FSTL4: variants seen among roughly 807,000 people sequenced by gnomAD.
The protein encoded by FSTL4 is follistatin-related protein 4.
In FSTL4, 28 loss-of-function variants were observed where a neutral mutation model predicts 78.2. The ratio of observed to expected loss-of-function variants is 0.36; its 90% CI spans 0.27 to 0.49. The LOEUF (loss-of-function observed/expected upper bound fraction) is 0.49. FSTL4 is among the 20% of genes least tolerant of loss of function. The probability of loss-of-function intolerance (pLI) is 0.98; values close to 1 mark genes in which losing one functional copy is unlikely to be tolerated. For missense variants in FSTL4, 922 were observed against 1,084.9 expected (o/e 0.85, Z 2.11); for synonymous variants, 422 against 440.5 (o/e 0.96, Z 0.53).
intron 8 of FSTL4, among the ~76,000 whole-genome samples, chr5:133,226,592 G>A (rs1751342170): frequency 6.6e-6 from 1 of 152,196 alleles, no homozygotes; most frequent in Non-Finnish European, 1.5e-5. Context: ...CATTTTTAGT[G>A]GAATTGAGGG....
At chr5:133,409,518 C>A (rs913214504) in intron 3 of FSTL4, among the ~76,000 whole-genome samples, 10 of 152,226 alleles carry the variant, frequency 6.6e-5, no homozygotes, top group African/African-American at 2.2e-4. Flanking sequence ...AGGAGGCTGC[C>A]AACCTGCTGG....
chr5:133,344,727 A>G (rs1754660886), intron 4 of FSTL4, among the ~76,000 whole-genome samples: 1 of 152,096 alleles, frequency 6.6e-6, no homozygotes. Context: ...TCTTCATCTT[A>G]TTTTTGTTCA....
the FSTL4 span, among the ~76,000 whole-genome samples, chr5:133,696,278 G>A: frequency 6.6e-6 from 1 of 152,190 alleles, no homozygotes; most frequent in Non-Finnish European, 1.5e-5. Flanking sequence ...GGTATCTTTG[G>A]TCTTCAGCTG....
chr5:133,732,279 C>T, the FSTL4 span, among the ~76,000 whole-genome samples: 1 of 152,184 alleles, frequency 6.6e-6, no homozygotes, highest in African/African-American at 2.4e-5. Flanking sequence ...TACTGATCCT[C>T]ACTGGGCCTG....
rs539332235 is a variant in FSTL4 at position 133,472,989 on chromosome 5, C to A, written c.161-72003G>T. Among the ~76,000 whole-genome samples the A allele has an allele frequency of 2.3e-3, 353 of 152,336 alleles. 1 individual carries two copies. The highest frequency in any genetic ancestry group is 8.2e-3 in the African/African-American group (341 of 41,582). On this transcript the variant is annotated intron_variant, in intron 3 of 15. Transcript: ENST00000265342. ...CACTCACAAGCCATGGCAGGGGGAG[C>A]TCCTGCCCATGACCTTGCTTTCTCA...
At chr5:133,623,321 A>G in the FSTL4 span, among the ~76,000 whole-genome samples, 1 of 152,220 alleles carries the variant, frequency 6.6e-6, no homozygotes, top group South Asian at 2.1e-4. Flanking sequence ...AGACCAATGG[A>G]ATAGAATTGA....
chr5:133,555,389 C>T (rs1251000970), intron 3 of FSTL4, among the ~76,000 whole-genome samples: 2 of 152,170 alleles, frequency 1.3e-5, no homozygotes, highest in African/African-American at 2.4e-5. Flanking sequence ...CTATAATCTC[C>T]AACTCTGCCT....
At chr5:133,644,465 T>C in the FSTL4 span, among the ~76,000 whole-genome samples, 16 of 152,246 alleles carry the variant, frequency 1.1e-4, no homozygotes, top group Admixed American at 9.2e-4. Flanking sequence ...CCCTCTGCTG[T>C]TGGTTCAGCA....
chr5:133,478,756 G>A (rs546805738), intron 3 of FSTL4, among the ~76,000 whole-genome samples: 3 of 152,130 alleles, frequency 2.0e-5, no homozygotes, highest in East Asian at 3.9e-4. Flanking sequence ...TCACACACAC[G>A]AGTGCAGTTT....
intron 8 of FSTL4, among the ~76,000 whole-genome samples, chr5:133,230,723 G>C (rs1751468578): frequency 6.6e-6 from 1 of 152,110 alleles, no homozygotes; most frequent in Non-Finnish European, 1.5e-5. Context: ...GGATCACTAG[G>C]CCTCTTCTCC....
the FSTL4 span, among the ~76,000 whole-genome samples, chr5:133,774,594 C>G: frequency 6.6e-6 from 1 of 152,150 alleles, no homozygotes; most frequent in African/African-American, 2.4e-5. Flanking sequence ...AACATTGAAT[C>G]CCTAAATCCT....
rs572388218 is a variant in FSTL4, at chr5:133,502,013, C to T, written c.160+65173G>A. On this transcript the variant is annotated intron_variant, in intron 3 of 15. Transcript: ENST00000265342. Reference sequence around the variant, plus strand: ...TGATGCTGCCATAAGGCAAGGGACACCTGGGGCTTCCAGAAGCTGGAAGGG... The same window carrying T: ...TGATGCTGCCATAAGGCAAGGGACATCTGGGGCTTCCAGAAGCTGGAAGGG... 2.0e-4 allele frequency among the ~76,000 whole-genome samples: 31 copies of T among 152,206 alleles called. No homozygotes were observed. In the South Asian group the frequency reaches 6.2e-3, roughly 31 times the overall value.
At chr5:133,294,440 C>T (rs1246461743) in intron 6 of FSTL4, among the ~76,000 whole-genome samples, 1 of 152,006 alleles carries the variant, frequency 6.6e-6, no homozygotes, top group Non-Finnish European at 1.5e-5. Flanking sequence ...GAAAGGGAAA[C>T]CCCCGTGCAT....
At chr5:133,264,559 G>T (rs1401335575) in intron 6 of FSTL4, among the ~76,000 whole-genome samples, 1 of 152,240 alleles carries the variant, frequency 6.6e-6, no homozygotes. Flanking sequence ...CTGGGAGGGA[G>T]ACTCAGAAGA....
At chr5:133,266,009 A>G (rs568759384) in intron 6 of FSTL4, among the ~76,000 whole-genome samples, 16 of 152,334 alleles carry the variant, frequency 1.1e-4, no homozygotes, top group Admixed American at 2.0e-4. Context: ...AGTCCTGGTC[A>G]TGTTGTCCGC....
intron 6 of FSTL4, among the ~76,000 whole-genome samples, chr5:133,251,506 A>C (rs2902804): frequency 0.72 from 109,574 of 151,840 alleles, 40,732 homozygotes; most frequent in African/African-American, 0.89. Context: ...AGGAAACCAA[A>C]CACCAGGCCT....
At chr5:133,566,126 T>C (rs1432479929) in intron 3 of FSTL4, among the ~76,000 whole-genome samples, 2 of 152,154 alleles carry the variant, frequency 1.3e-5, no homozygotes, top group Non-Finnish European at 2.9e-5. Flanking sequence ...AGCCAGAAAG[T>C]TCATCTTAGA....
chr5:133,629,868 T>A, the FSTL4 span, among the ~76,000 whole-genome samples: 1 of 152,168 alleles, frequency 6.6e-6, no homozygotes, highest in Admixed American at 6.5e-5. Flanking sequence ...ATGTAATCCA[T>A]CACATGAACA....
intron 2 of FSTL4, among the ~76,000 whole-genome samples, chr5:133,578,876 G>A (rs1760339577): frequency 6.6e-6 from 1 of 152,146 alleles, no homozygotes; most frequent in African/African-American, 2.4e-5. Flanking sequence ...AGGCAAGAGG[G>A]GAATTTTCCA....
Sources: gnomAD v4.1 joint callset for allele counts (sites outside exome capture counted in the v4.1 genomes callset) on GRCh38, gnomAD v4.1.1 for gene constraint, MANE v1.5 for transcripts, NCBI Gene and HGNC (gene_info 2026-07-23, HGNC 2026-07-21) for gene names.